Variants in MPDZ observed in about 807,000 individuals in gnomAD.
The protein encoded by MPDZ is multiple PDZ domain protein.
A neutral mutation model predicts 239.1 loss-of-function variants in MPDZ; 234 were observed. The ratio of observed to expected loss-of-function variants is 0.98; its 90% CI spans 0.88 to 1.09. The LOEUF is 1.09. Ranked by LOEUF, MPDZ falls within the 50% of genes least tolerant of loss-of-function variation. The pLI is 0.00. For synonymous variants in MPDZ, 1,048 were observed against 881.3 expected (o/e 1.19, Z -3.35); for missense variants, 3,175 against 2,510.0 (o/e 1.26, Z -5.66).
chr9:13,146,799 C>T (rs1331670944), intron 26 of MPDZ, among the ~76,000 whole-genome samples: 1 of 151,878 alleles, frequency 6.6e-6, no homozygotes, highest in Non-Finnish European at 1.5e-5. Flanking sequence ...CAGTTTTAAA[C>T]TCTTGGCATA....
At chr9:13,205,793 T>C in intron 11 of MPDZ, 123 bp downstream of exon 11, 1 of 864,730 alleles carries the variant, frequency 1.2e-6, no homozygotes, top group South Asian at 2.4e-5. Context: ...TAATGAATAG[T>C]TGAGGGTAAA....
chr9:13,259,356 G>C (rs759279642), intron 1 of MPDZ, among the ~76,000 whole-genome samples: 6 of 152,052 alleles, frequency 3.9e-5, no homozygotes, highest in Non-Finnish European at 7.4e-5. Context: ...GAAAAGAAAA[G>C]AAAATGCAGG....
In MPDZ at chr9:13,197,862, C is replaced by T. The variant is rs369308299; in HGVS notation, c.1547-1632G>A. ...ATCATGCGGTATGTGTCTTTCTGTGCTTGGTTTATTTCACTTAACACAATG... is the reference window on the plus strand; with the variant it reads ...ATCATGCGGTATGTGTCTTTCTGTGTTTGGTTTATTTCACTTAACACAATG... On this transcript the variant is annotated intron_variant, in intron 12 of 46. Coordinates refer to ENST00000319217, the MANE Select transcript of MPDZ (RefSeq NM_001378778.1). 1.2e-4 allele frequency among the ~76,000 whole-genome samples: 19 copies of T among 152,178 alleles called. No individual in the cohort carries two copies. The South Asian group carries it at 3.7e-3, about 30-fold the overall frequency.
At chr9:13,121,953 G>A (rs1944409407) in intron 37 of MPDZ, 21 bp from the exon 38 acceptor site, 1 of 1,608,032 alleles carries the variant, frequency 6.2e-7, no homozygotes, top group Non-Finnish European at 8.5e-7. Context: ...ATGGGACACT[G>A]ACTGTAAGGA....
chr9:13,270,109 A>G (rs1972629271), intron 1 of MPDZ, among the ~76,000 whole-genome samples: 1 of 152,216 alleles, frequency 6.6e-6, no homozygotes, highest in Non-Finnish European at 1.5e-5. Flanking sequence ...TTGCTTCTTA[A>G]TTAACTCATC....
intron 23 of MPDZ, among the ~76,000 whole-genome samples, chr9:13,161,300 C>T (rs1279240953): frequency 2.6e-5 from 4 of 151,972 alleles, no homozygotes; most frequent in Non-Finnish European, 5.9e-5. Context: ...CCAGGCATGG[C>T]GGCTCACGCT....
intron 36 of MPDZ, among the ~76,000 whole-genome samples, chr9:13,122,429 TGA>T (rs1436922933): frequency 6.6e-6 from 1 of 152,016 alleles, no homozygotes; most frequent in Non-Finnish European, 1.5e-5. Context: ...CATACATAGA[TGA>T]GAGATAACTT....
At position 13,186,311 on chromosome 9, in the gene MPDZ, C is replaced by G; in HGVS notation, c.2440G>C (p.Gly814Arg). 1.3e-6 allele frequency: 2 copies of G among 1,596,076 alleles called. No homozygotes were observed. The highest frequency in any genetic ancestry group is 1.7e-6 in the Non-Finnish European group (2 of 1,170,808). Reference protein sequence around the residue: ...LYPPHSCEEAGLADKPLFRAD... With the variant: ...LYPPHSCEEARLADKPLFRAD... The stretch of plus-strand genomic sequence containing the variant: ...CTGAAGAGGGGTTTGTCAGCCAGCC[C>G]TGCTTCCTCACAGGAGTGTGGTGGG... The change falls in exon 18 of 47, where the codon GGG becomes CGG. Residue 814 changes from glycine (G) to arginine (R), a missense_variant. Transcript: ENST00000319217.
intron 10 of MPDZ, among the ~76,000 whole-genome samples, chr9:13,213,925 C>T (rs10756462): frequency 0.93 from 141,575 of 152,064 alleles, 66,741 homozygotes; most frequent in East Asian, 1. Flanking sequence ...CAGATATTGT[C>T]AATAAAATAC....
At chr9:13,270,783 T>C (rs1972778288) in intron 1 of MPDZ, among the ~76,000 whole-genome samples, 1 of 152,158 alleles carries the variant, frequency 6.6e-6, no homozygotes, top group Non-Finnish European at 1.5e-5. Context: ...GATCTTCCCC[T>C]CTCCAACTCT....
chr9:13,217,072 C>G (rs1003831350), intron 9 of MPDZ, 108 bp downstream of exon 9: 1 of 887,354 alleles, frequency 1.1e-6, no homozygotes, highest in African/African-American at 1.7e-5. Context: ...AGTTTTCAAC[C>G]AGTTTATCCA....
At chr9:13,133,974 G>A in intron 31 of MPDZ, 70 bp from the exon 32 acceptor site, 1 of 689,100 alleles carries the variant, frequency 1.5e-6, no homozygotes, top group Non-Finnish European at 2.2e-6. Context: ...TAAATATAAA[G>A]GCCACTTATT....
chr9:13,126,799 A>G, intron 32 of MPDZ, 27 bp from the exon 33 acceptor site: 1 of 1,581,186 alleles, frequency 6.3e-7, no homozygotes, highest in Non-Finnish European at 8.7e-7. Context: ...AAAAATGCTC[A>G]GAAGACTTGA....
chr9:13,149,178 T>C (rs906982325), intron 25 of MPDZ, among the ~76,000 whole-genome samples: 3 of 151,942 alleles, frequency 2.0e-5, no homozygotes, highest in African/African-American at 7.2e-5. Context: ...TCACTCTTCC[T>C]TATAAACGGT....
chr9:13,226,307 TA>T (rs1297988638), intron 3 of MPDZ, among the ~76,000 whole-genome samples: 1 of 152,156 alleles, frequency 6.6e-6, no homozygotes, highest in Admixed American at 6.6e-5. Context: ...TAAATCTAAA[TA>T]ATAATAAAGC....
Position 13,201,364 on chromosome 9 carries a change from T to A in MPDZ, c.1546+3672A>T, listed in dbSNP as rs1012843247. On this transcript the variant is annotated intron_variant, in intron 12 of 46. Coordinates refer to ENST00000319217, the MANE Select transcript of MPDZ (RefSeq NM_001378778.1). ...TTGATGCTTTCAGTATTTTTTTTTT[T>A]ATTTTGCTAGTCTGATTATGATGTG... is the stretch of plus-strand genomic sequence containing the variant. 1.1e-4 allele frequency among the ~76,000 whole-genome samples: 17 copies of A among 151,356 alleles called. No homozygotes were observed. The East Asian group carries it at 3.1e-3, about 27-fold the overall frequency.
chr9:13,255,045 G>A (rs1361214443), intron 1 of MPDZ, among the ~76,000 whole-genome samples: 1 of 152,142 alleles, frequency 6.6e-6, no homozygotes, highest in Non-Finnish European at 1.5e-5. Context: ...CTCAAATCCT[G>A]CTCCTACTTT....
chr9:13,157,526 G>C (rs896430278), intron 24 of MPDZ, among the ~76,000 whole-genome samples: 6 of 152,038 alleles, frequency 3.9e-5, no homozygotes, highest in Non-Finnish European at 7.4e-5. Flanking sequence ...AAGTATATTT[G>C]AGGATGTCAT....
chr9:13,230,908 A>G (rs568466962), intron 3 of MPDZ, among the ~76,000 whole-genome samples: 1 of 152,288 alleles, frequency 6.6e-6, no homozygotes, highest in South Asian at 2.1e-4. Flanking sequence ...GTAAGAGGGA[A>G]AAAAAGGAAA....
Sources: allele counts gnomAD v4.1 joint callset (sites outside exome capture counted in the v4.1 genomes callset), GRCh38; gene constraint gnomAD v4.1.1; transcripts MANE v1.5; gene names NCBI Gene and HGNC (gene_info 2026-07-23, HGNC 2026-07-21).